Variants in RNF130 observed in about 807,000 individuals in gnomAD.
RNF130 encodes the protein ring finger protein 130.
In RNF130, 21 loss-of-function variants were observed where a neutral mutation model predicts 44.6. The ratio of observed to expected loss-of-function variants is 0.47; its 90% CI spans 0.33 to 0.68. The LOEUF is 0.68. Ranked by LOEUF, RNF130 falls within the 30% of genes least tolerant of loss-of-function variation. The probability of loss-of-function intolerance (pLI) is 0.02; values close to 1 mark genes in which losing one functional copy is unlikely to be tolerated. For synonymous variants in RNF130, 214 were observed against 210.4 expected (o/e 1.02, Z -0.15); for missense variants, 479 against 560.6 (o/e 0.85, Z 1.47).
chr5:179,982,453 G>A (rs759704189), intron 3 of RNF130, among the ~76,000 whole-genome samples: 2 of 152,074 alleles, frequency 1.3e-5, no homozygotes, highest in Admixed American at 6.5e-5. Context: ...TTTTATTTAA[G>A]AGACTGCCAA....
chr5:179,972,337 A>T (rs1297999347), intron 5 of RNF130, among the ~76,000 whole-genome samples: 1 of 152,114 alleles, frequency 6.6e-6, no homozygotes, highest in African/African-American at 2.4e-5. Context: ...CCTTGCATAC[A>T]TTTTCAGGAG....
chr5:179,928,865 G>A (rs537882995), intron 7 of RNF130, among the ~76,000 whole-genome samples: 14 of 152,154 alleles, frequency 9.2e-5, no homozygotes, highest in South Asian at 6.2e-4. Flanking sequence ...TCCTGATCTC[G>A]TGATCCCCCT....
At chr5:180,059,396 C>A (rs1051514172) in intron 1 of RNF130, among the ~76,000 whole-genome samples, 1 of 152,164 alleles carries the variant, frequency 6.6e-6, no homozygotes, top group African/African-American at 2.4e-5. Context: ...CTGCTTTCCC[C>A]AGATAGGACA....
chr5:180,018,858 C>T (rs534690267), intron 2 of RNF130, among the ~76,000 whole-genome samples: 1 of 152,290 alleles, frequency 6.6e-6, no homozygotes, highest in South Asian at 2.1e-4. Context: ...CTTGGCTTCC[C>T]TCCACTCCTC....
chr5:180,015,665 A>AG (rs11443491), intron 2 of RNF130, among the ~76,000 whole-genome samples: 6 of 9,538 alleles, frequency 6.3e-4, no homozygotes, highest in South Asian at 2.0e-3. Context: ...GGAAAGGAGT[A>AG]GGAAAGGAGT....
At chr5:179,945,108 A>C (rs155577) in intron 7 of RNF130, among the ~76,000 whole-genome samples, 92,288 of 152,042 alleles carry the variant, frequency 0.61, 30,534 homozygotes, top group South Asian at 0.82. Context: ...TAAAAAAATA[A>C]AGTGATAACT....
At chr5:179,984,539 T>C (rs1214170613) in intron 3 of RNF130, among the ~76,000 whole-genome samples, 1 of 152,232 alleles carries the variant, frequency 6.6e-6, no homozygotes, top group Non-Finnish European at 1.5e-5. Context: ...CCTGCTAATA[T>C]GGTAATAATA....
At chr5:180,045,284 C>T (rs1248056078) in intron 1 of RNF130, among the ~76,000 whole-genome samples, 1 of 152,180 alleles carries the variant, frequency 6.6e-6, no homozygotes, top group Non-Finnish European at 1.5e-5. Flanking sequence ...TTCGTGGGTT[C>T]TTGGTCTTGC....
intron 7 of RNF130, among the ~76,000 whole-genome samples, chr5:179,946,175 G>A (rs1369815117): frequency 1.3e-5 from 2 of 152,200 alleles, no homozygotes; most frequent in Admixed American, 6.5e-5. Context: ...GTGACCAAAG[G>A]CCCATGCTGG....
At chr5:180,041,500 A>T (rs1764417033) in intron 1 of RNF130, among the ~76,000 whole-genome samples, 1 of 151,848 alleles carries the variant, frequency 6.6e-6, no homozygotes, top group Admixed American at 6.5e-5. Context: ...ACATATGGCC[A>T]TCATGGTTCT....
intron 7 of RNF130, among the ~76,000 whole-genome samples, chr5:179,932,988 G>GA: frequency 6.6e-6 from 1 of 152,170 alleles, no homozygotes; most frequent in Non-Finnish European, 1.5e-5. Context: ...TATCAGGAAT[G>GA]AAAAAGACAT....
intron 1 of RNF130, among the ~76,000 whole-genome samples, chr5:180,043,337 A>G (rs1449128707): frequency 6.6e-6 from 1 of 150,686 alleles, no homozygotes; most frequent in African/African-American, 2.4e-5. Context: ...AAAAACAGTA[A>G]TAATTCCTTC....
At chr5:179,973,870 C>T (rs17079867) in intron 5 of RNF130, among the ~76,000 whole-genome samples, 4,041 of 152,248 alleles carry the variant, frequency 0.027, 62 homozygotes, top group Non-Finnish European at 0.036. Flanking sequence ...GCATACTGAG[C>T]GCCAACAAAG....
chr5:179,989,703 G>T (rs555351958), intron 3 of RNF130, among the ~76,000 whole-genome samples: 1 of 152,158 alleles, frequency 6.6e-6, no homozygotes, highest in South Asian at 2.1e-4. Flanking sequence ...TTTAAGCGGA[G>T]CATTTGATCC....
chr5:180,069,752 C>T (rs1486946528), intron 1 of RNF130, among the ~76,000 whole-genome samples: 2 of 152,212 alleles, frequency 1.3e-5, no homozygotes, highest in African/African-American at 4.8e-5. Flanking sequence ...AAAGCACAGG[C>T]CTGACTCAGA....
intron 7 of RNF130, among the ~76,000 whole-genome samples, chr5:179,936,767 A>C (rs1228044880): frequency 6.6e-6 from 1 of 152,240 alleles, no homozygotes; most frequent in African/African-American, 2.4e-5. Flanking sequence ...TGCCATAAAC[A>C]CAGACATACA....
chr5:179,921,174 T>C (rs1761627112), intron 7 of RNF130, among the ~76,000 whole-genome samples: 1 of 152,094 alleles, frequency 6.6e-6, no homozygotes, highest in African/African-American at 2.4e-5. Flanking sequence ...ATTTGGTGAG[T>C]TCTGACAGCT....
chr5:180,056,605 T>C (rs1764830303), intron 1 of RNF130, among the ~76,000 whole-genome samples: 1 of 152,196 alleles, frequency 6.6e-6, no homozygotes, highest in Admixed American at 6.5e-5. Context: ...ATGAACCATG[T>C]TGGACACGTT....
intron 3 of RNF130, among the ~76,000 whole-genome samples, chr5:179,988,062 T>G (rs1329329296): frequency 6.6e-6 from 1 of 152,252 alleles, no homozygotes; most frequent in Non-Finnish European, 1.5e-5. Flanking sequence ...CTTTATAAAT[T>G]TGATAGGATT....
Sources: gnomAD v4.1 joint callset for allele counts (sites outside exome capture counted in the v4.1 genomes callset) on GRCh38, gnomAD v4.1.1 for gene constraint, MANE v1.5 for transcripts, NCBI Gene and HGNC (gene_info 2026-07-23, HGNC 2026-07-21) for gene names.